The following COL4A6 variants were observed in gnomAD, a reference collection of about 807,000 sequenced individuals.
The protein encoded by COL4A6 is collagen type IV alpha 6 chain.
A neutral mutation model predicts 126.7 loss-of-function variants in COL4A6; 59 were observed. The observed-to-expected ratio is 0.47, with a 90% CI of 0.38 to 0.58. The LOEUF is 0.58. Among genes scored for constraint, COL4A6 ranks in the 20% least tolerant of loss-of-function variants. The probability of loss-of-function intolerance (pLI) is 0.00; values close to 1 mark genes in which losing one functional copy is unlikely to be tolerated. For missense variants in COL4A6, 1,285 were observed against 1,337.3 expected, an observed-to-expected ratio of 0.96 and a Z score of 0.61; for synonymous variants, 547 against 496.6, an observed-to-expected ratio of 1.10 and a Z score of -1.35.
chrX:108,310,628 C>T (rs933177203), intron 3 of COL4A6, 120 bp downstream of exon 3: 1 of 569,695 alleles, frequency 1.8e-6, no homozygotes, highest in African/African-American at 2.3e-5. Flanking sequence ...AGCTGGTCCT[C>T]ATCACTTTGC....
intron 2 of COL4A6, among the ~76,000 whole-genome samples, chrX:108,351,438 CTCTCTG>C (rs1192642543): frequency 2.2e-4 from 18 of 81,501 alleles, no homozygotes; most frequent in African/African-American, 8.4e-4. Flanking sequence ...GTAACTCTCT[CTCTCTG>C]TGTGTGTGTG....
intron 2 of COL4A6, among the ~76,000 whole-genome samples, chrX:108,351,442 CTGTGTG>C (rs965452058): frequency 2.5e-4 from 24 of 94,368 alleles, no homozygotes; most frequent in South Asian, 5.3e-4. Context: ...CTCTCTCTCT[CTGTGTG>C]TGTGTGTGTG....
At position 108,159,683 on chromosome X, in the gene COL4A6, C is replaced by A; in HGVS notation, c.4591G>T (p.Val1531Leu). The change falls in exon 44 of 45, where the codon GTG becomes TTG. Residue 1531 changes from valine to leucine, a missense_variant. Val to Leu is a conservative substitution (Grantham distance 32, BLOSUM62 1). Coordinates refer to ENST00000334504, the MANE Select transcript of COL4A6 (RefSeq NM_033641.4). The stretch of plus-strand genomic sequence containing the variant: ...TCATTGCGCCTGGCATAGTGGCACA[C>A]CTCGTTGATGTTGCAGTAGATGAAG... ...MPFIYCNINE[V>L]CHYARRNDKS... 3 of 1,211,869 alleles carry A rather than the reference C, an allele frequency of 2.5e-6. No individual in the cohort carries two copies. The highest frequency in any genetic ancestry group is 3.3e-6 in the Non-Finnish European group (3 of 895,524).
At chrX:108,323,020 T>C (rs2039067464) in intron 2 of COL4A6, among the ~76,000 whole-genome samples, 1 of 112,088 alleles carries the variant, frequency 8.9e-6, no homozygotes, top group Non-Finnish European at 1.9e-5. Context: ...TCAAAAATAA[T>C]TGTTAGTAAT....
At chrX:108,410,068 A>G (rs2041296243) in intron 2 of COL4A6, among the ~76,000 whole-genome samples, 1 of 111,744 alleles carries the variant, frequency 8.9e-6, no homozygotes, top group African/African-American at 3.3e-5. Context: ...GGTGTTTGGA[A>G]AGTGATCAGT....
intron 9 of COL4A6, 22 bp from the exon 10 acceptor site, chrX:108,205,717 G>A (rs370349384): frequency 5.1e-6 from 6 of 1,181,898 alleles, no homozygotes; most frequent in Non-Finnish European, 6.9e-6. Context: ...TTAAAAATAA[G>A]AAAGAGTTAG....
intron 2 of COL4A6, among the ~76,000 whole-genome samples, chrX:108,326,653 G>A (rs1023309504): frequency 8.9e-6 from 1 of 112,417 alleles, no homozygotes; most frequent in East Asian, 2.8e-4. Context: ...ATAGTCAACT[G>A]ATTTTTGACA....
intron 2 of COL4A6, among the ~76,000 whole-genome samples, chrX:108,353,984 C>T (rs1173640227): frequency 5.4e-5 from 6 of 111,406 alleles, no homozygotes; most frequent in African/African-American, 2.0e-4. Flanking sequence ...GAAACCCTGT[C>T]TCTACTAAAA....
At chrX:108,183,673 T>G in intron 23 of COL4A6, 1 of 854,226 alleles carries the variant, frequency 1.2e-6, no homozygotes, top group South Asian at 6.6e-5. Flanking sequence ...AAAAGGGGTG[T>G]TTAGCTAAGA....
At chrX:108,262,451 C>T (rs1282190717) in intron 3 of COL4A6, among the ~76,000 whole-genome samples, 1 of 111,405 alleles carries the variant, frequency 9.0e-6, no homozygotes, top group Non-Finnish European at 1.9e-5. Context: ...TATTTAGAAA[C>T]AGTAATCTGA....
chrX:108,166,461 T>C (rs910052565), intron 37 of COL4A6, among the ~76,000 whole-genome samples: 8 of 112,530 alleles, frequency 7.1e-5, no homozygotes, highest in African/African-American at 2.6e-4. Context: ...GATTCTTAAT[T>C]TTTGTTTGCG....
intron 25 of COL4A6, 117 bp from the exon 26 acceptor site, chrX:108,179,555 C>T: frequency 1.7e-6 from 1 of 576,823 alleles, no homozygotes; most frequent in Non-Finnish European, 2.7e-6. Flanking sequence ...TAATATATGT[C>T]ACTTCTCTTG....
intron 2 of COL4A6, among the ~76,000 whole-genome samples, chrX:108,427,123 A>C (rs1381268501): frequency 8.9e-6 from 1 of 111,897 alleles, no homozygotes; most frequent in African/African-American, 3.3e-5. Flanking sequence ...CCACATAGAG[A>C]GATATACGGT....
In COL4A6 at chrX:108,196,512, C is replaced by T. The variant is rs773426478; in HGVS notation, c.902G>A (p.Arg301Lys). The T allele has an allele frequency of 5.0e-6, 6 of 1,208,296 alleles. No homozygotes were observed. The South Asian group carries it at 1.1e-4, about 21-fold the overall frequency. ...EKGIPGLPGP[R>K]GPMGSEGVQG... is the part of the protein sequence containing the mutation. ...GCAAGTAACATTCGAGGTTCATACC[C>T]TAGGTCCTGGCAAACCAGGGATTCC... The change falls in exon 14 of 45, where the codon AGG becomes AAG. Residue 301 changes from arginine to lysine, a missense_variant and splice_region_variant. Transcript: ENST00000334504.
chrX:108,189,938 AG>A (rs2034986207), intron 20 of COL4A6, among the ~76,000 whole-genome samples: 1 of 112,410 alleles, frequency 8.9e-6, no homozygotes. Context: ...AAGTGATAGA[AG>A]GGGGAAATGA....
At chrX:108,437,639 G>C in intron 2 of COL4A6, among the ~76,000 whole-genome samples, 1 of 111,997 alleles carries the variant, frequency 8.9e-6, no homozygotes, top group Non-Finnish European at 1.9e-5. Context: ...CTGCCGTGGA[G>C]ATTGATGCTA....
intron 2 of COL4A6, among the ~76,000 whole-genome samples, chrX:108,425,146 G>C (rs1024207692): frequency 9.2e-6 from 1 of 108,249 alleles, no homozygotes; most frequent in East Asian, 2.9e-4. Context: ...TTGTATTAAT[G>C]GGTGCTGCCC....
chrX:108,343,134 AAT>A (rs555568295), intron 2 of COL4A6, among the ~76,000 whole-genome samples: 7,106 of 54,884 alleles, frequency 0.13, 633 homozygotes, highest in Non-Finnish European at 0.17. Flanking sequence ...GATTAATGGG[AAT>A]ATATATATAT....
chrX:108,341,790 A>G (rs2039571528), intron 2 of COL4A6, among the ~76,000 whole-genome samples: 1 of 111,627 alleles, frequency 9.0e-6, no homozygotes, highest in South Asian at 3.7e-4. Flanking sequence ...TGAGAATTGT[A>G]CTAGATTATA....
Sources: gnomAD v4.1 joint callset for allele counts (sites outside exome capture counted in the v4.1 genomes callset) on GRCh38, gnomAD v4.1.1 for gene constraint, MANE v1.5 for transcripts, NCBI Gene and HGNC (gene_info 2026-07-23, HGNC 2026-07-21) for gene names.